Variants in TAP2 observed in about 807,000 individuals in gnomAD.
TAP2 encodes the protein transporter 2, ATP binding cassette subfamily B member, also known as antigen peptide transporter 2.
In TAP2, 49 loss-of-function variants were observed where a neutral mutation model predicts 74.7. The observed-to-expected ratio is 0.66, with a 90% CI of 0.52 to 0.83. The LOEUF (loss-of-function observed/expected upper bound fraction) is 0.83. TAP2 is among the 40% of genes least tolerant of loss of function. The pLI, the probability that TAP2 is intolerant of heterozygous loss-of-function variation, is 0.00. For missense variants in TAP2, 739 were observed against 859.0 expected, an observed-to-expected ratio of 0.86 and a Z score of 1.75; for synonymous variants, 306 against 368.4, an observed-to-expected ratio of 0.83 and a Z score of 1.94.
downstream of TAP2, chr6:32,821,833 G>A (rs943860931): frequency 6.2e-6 from 1 of 161,730 alleles, no homozygotes; most frequent in Non-Finnish European, 1.3e-5. Flanking sequence ...AGAACACATT[G>A]TTGAGCTACA....
Position 32,829,408 on chromosome 6 carries a change from C to CGCACT in TAP2, c.1919_1923dup (p.Glu642SerfsTer19). The CGCACT allele has an allele frequency of 6.2e-7, 1 of 1,600,628 alleles. No individual in the cohort carries two copies. Among genetic ancestry groups the CGCACT allele is most frequent in the Non-Finnish European group, 8.5e-7 (1 of 1,173,202 alleles). On this transcript the variant is annotated frameshift_variant, in exon 11 of 12. Coordinates refer to ENST00000374897, the MANE Select transcript of TAP2 (RefSeq NM_001290043.2). LOFTEE classifies it high-confidence loss of function. ...CCTCTCACGGTACTCACGGCCTGCT[C>CGCACT]GCACTGCACATCTAGGGCACTAGTA...
At position 32,838,011 on chromosome 6, in the gene TAP2, G is replaced by T; in HGVS notation, c.223C>A (p.Leu75Met). The T allele has an allele frequency of 6.2e-7, 1 of 1,612,516 alleles. No individual in the cohort carries two copies. Among genetic ancestry groups the T allele is most frequent in the Non-Finnish European group, 8.5e-7 (1 of 1,179,860 alleles). The change falls in exon 2 of 12, where the codon CTG becomes ATG. Residue 75 changes from leucine to methionine, a missense_variant. Physicochemically the swap from Leu to Met is conservative, Grantham distance 15. Transcript: ENST00000374897. Reference protein sequence around the residue: ...LLLPLCLATPLTVSLRALVAG... With the variant: ...LLLPLCLATPMTVSLRALVAG... The stretch of plus-strand genomic sequence containing the variant: ...ACCAGGGCTCTCAGGGAGACAGTCA[G>T]GGGGGTGGCCAGACAGAGCGGGAGC...
At position 32,828,479 on chromosome 6, in the gene TAP2, C is replaced by A. The variant is rs958359267; in HGVS notation, c.*427G>T. ...GCAGCAAAATAGCAACTATGGTTAT[C>A]TCCAGGAAGTGAAACAATGGGTACT... On this transcript the variant is annotated 3_prime_UTR_variant, in exon 12 of 12. Transcript: ENST00000374897. The A allele has an allele frequency of 3.2e-5, 31 of 977,660 alleles. No homozygotes were observed. Among genetic ancestry groups the A allele is most frequent in the Non-Finnish European group, 3.8e-5 (31 of 822,738 alleles). The allele number at this position is 977,660 out of a possible 1,614,324, so 60.6% of individuals were successfully genotyped here.
At chr6:32,822,237 C>G, downstream of TAP2, 1 of 1,384,720 alleles carries the variant, frequency 7.2e-7, no homozygotes, top group Non-Finnish European at 1.0e-6. Context: ...ATGCTTTGTT[C>G]CACATATTCG....
At position 32,830,723 on chromosome 6, in the gene TAP2, ATT is replaced by A. The variant is rs1484100150; in HGVS notation, c.1354_1355del (p.Asn452SerfsTer30). 6.2e-7 allele frequency: 1 copy of A among 1,613,040 alleles called. No homozygotes were observed. ...KVFSYMDRQP[N>X]LPSPGTLAPT... The stretch of plus-strand genomic sequence containing the variant: ...GGGCAAGCGTGCCAGGTGAAGGCAG[ATT>A]TGGCTGTCGGTCCATGTAGGAGAAA... On this transcript the variant is annotated frameshift_variant, in exon 8 of 12. Transcript: ENST00000374897. LOFTEE classifies it high-confidence loss of function.
At position 32,825,628 on chromosome 6, in the gene TAP2, G is replaced by A. The variant is rs1188324905; in HGVS notation, c.*3278C>T. 1 of 152,200 alleles carries A rather than the reference G, an allele frequency of 6.6e-6. No homozygotes were observed. Among genetic ancestry groups the A allele is most frequent in the Non-Finnish European group, 1.5e-5 (1 of 68,028 alleles). 9.4% of individuals were successfully genotyped at this position (152,200 alleles called of 1,614,324 possible). On this transcript the variant is annotated 3_prime_UTR_variant, in exon 12 of 12. Transcript: ENST00000374897. ...GCAAACCTTGAGAAGGATTGAGAGT[G>A]AGGCTTTCCTCTGTATACTTCTTTG...
intron 3 of TAP2, among the ~76,000 whole-genome samples, chr6:32,836,775 C>T (rs1244596971): frequency 6.6e-6 from 1 of 152,234 alleles, no homozygotes; most frequent in Non-Finnish European, 1.5e-5. Flanking sequence ...TTGACCTAAA[C>T]TTCGTTATGC....
At chr6:32,823,697 AT>A (rs1301345728), downstream of TAP2, among the ~76,000 whole-genome samples, 1 of 152,148 alleles carries the variant, frequency 6.6e-6, no homozygotes, top group Non-Finnish European at 1.5e-5. Flanking sequence ...ATTTATAATT[AT>A]TCATACAGCA....
Position 32,825,855 on chromosome 6 carries a change from A to G in TAP2, c.*3051T>C. 1.9e-6 allele frequency: 1 copy of G among 522,988 alleles called. No homozygotes were observed. Among genetic ancestry groups the G allele is most frequent in the Non-Finnish European group, 2.4e-6 (1 of 408,226 alleles). 32.4% of individuals were successfully genotyped at this position (522,988 alleles called of 1,614,324 possible). ...AGTTAGTAAATGTTTCTAAAACTCC[A>G]TTTTCTCACTCTTAGAATTGAGATA... On this transcript the variant is annotated 3_prime_UTR_variant, in exon 12 of 12. Coordinates refer to ENST00000374897, the MANE Select transcript of TAP2 (RefSeq NM_001290043.2).
At chr6:32,838,607 G>A (rs1413553509) in intron 1 of TAP2, 46 bp downstream of exon 1, 3 of 239,238 alleles carry the variant, frequency 1.3e-5, no homozygotes, top group Admixed American at 1.1e-4. Context: ...AGTCACTTGG[G>A]CTGCGTCCCT....
At chr6:32,829,607 C>T in intron 10 of TAP2, 71 bp from the exon 11 acceptor site, 1 of 1,605,372 alleles carries the variant, frequency 6.2e-7, no homozygotes, top group South Asian at 1.1e-5. Flanking sequence ...GGGACAAGTG[C>T]ACAGCAGGTA....
Position 32,828,679 on chromosome 6 carries a change from C to CACCCCATCA in TAP2, c.*226_*227insTGATGGGGT, listed in dbSNP as rs28381590. 1 of 927,004 alleles carries CACCCCATCA rather than the reference C, an allele frequency of 1.1e-6. No individual in the cohort carries two copies. Among genetic ancestry groups the CACCCCATCA allele is most frequent in the Admixed American group, 5.4e-5 (1 of 18,598 alleles). 57.4% of individuals were successfully genotyped at this position (927,004 alleles called of 1,614,324 possible). A position where few individuals can be genotyped will look rare whatever the true frequency, so the allele number is the denominator to read the frequency against. On this transcript the variant is annotated 3_prime_UTR_variant, in exon 12 of 12. Coordinates refer to ENST00000374897, the MANE Select transcript of TAP2 (RefSeq NM_001290043.2). ...TAAGTTTCCTGGACACAGACAGCCC[C>CACCCCATCA]CACCCCACCCCACCCCACCTCTCTA... is the stretch of plus-strand genomic sequence containing the variant.
At position 32,829,934 on chromosome 6, in the gene TAP2, G is replaced by C. The variant is rs1211636229; in HGVS notation, c.1791C>G (p.Tyr597Ter). The C allele has an allele frequency of 1.9e-6, 3 of 1,613,108 alleles. No homozygotes were observed. In the East Asian group the frequency reaches 6.7e-5, roughly 36 times the overall value. The change falls in exon 10 of 12, where the codon TAC (tyrosine) becomes TAG (stop). Residue 597 changes from tyrosine (Y) to a stop codon, truncating the protein, a stop_gained. Transcript: ENST00000374897. LOFTEE classifies it high-confidence loss of function. The part of the protein sequence containing the change: ...DFIQEMEHGI[Y>*]TDVGEKGSQL... ...CTTACAATTTGTAGAAGATACCTGT[G>C]TATATTCCATGCTCCATTTCCTGGA...
intron 3 of TAP2, 45 bp downstream of exon 3, chr6:32,837,492 T>C: frequency 6.5e-7 from 1 of 1,543,674 alleles, no homozygotes; most frequent in Middle Eastern, 1.7e-4. Flanking sequence ...AAGACCCCTA[T>C]AAAGATTTGG....
Position 32,826,680 on chromosome 6 carries a change from A to T in TAP2, c.*2226T>A, listed in dbSNP as rs185609630. The T allele has an allele frequency of 3.0e-6, 3 of 985,294 alleles. No individual in the cohort carries two copies. In the Admixed American group the frequency reaches 1.8e-4, roughly 61 times the overall value. 61.0% of individuals were successfully genotyped at this position (985,294 alleles called of 1,614,324 possible). On this transcript the variant is annotated 3_prime_UTR_variant, in exon 12 of 12. Coordinates refer to ENST00000374897, the MANE Select transcript of TAP2 (RefSeq NM_001290043.2). ...GCATCTTCCTGTACTGCCCATCAAG[A>T]TAAGTTTTCCACCCAGCTTTATCAT...
At chr6:32,825,084 C>G (rs1768545076), downstream of TAP2, among the ~76,000 whole-genome samples, 1 of 147,752 alleles carries the variant, frequency 6.8e-6, no homozygotes, top group Admixed American at 7.0e-5. Flanking sequence ...TACTTTCACC[C>G]AGAAGATTGT....
In TAP2 at chr6:32,835,020, C is replaced by A; in HGVS notation, c.945+134G>T. 1.1e-6 allele frequency: 1 copy of A among 917,834 alleles called. No individual in the cohort carries two copies. The highest frequency in any genetic ancestry group is 1.7e-6 in the Non-Finnish European group (1 of 575,508). 56.9% of individuals were successfully genotyped at this position (917,834 alleles called of 1,614,324 possible). ...CTGGACAAACAAAATGTAGTATATA[C>A]TACAATATACCTTCTCCCCTAATGG... On this transcript the variant is annotated intron_variant, in intron 5 of 11. Coordinates refer to ENST00000374897, the MANE Select transcript of TAP2 (RefSeq NM_001290043.2). This position sits in a 1 kb window ranked among gnomAD's most constrained non-coding sequence, Gnocchi z 4.0.
In TAP2 at chr6:32,826,053, A is replaced by G. The variant is rs1768628671; in HGVS notation, c.*2853T>C. The G allele has an allele frequency of 1.0e-6, 1 of 985,428 alleles. No individual in the cohort carries two copies. Among genetic ancestry groups the G allele is most frequent in the Non-Finnish European group, 1.2e-6 (1 of 829,932 alleles). 61.0% of individuals were successfully genotyped at this position (985,428 alleles called of 1,614,324 possible). On this transcript the variant is annotated 3_prime_UTR_variant, in exon 12 of 12. Transcript: ENST00000374897. ...TCAAAACCCAGTTTCTTCTGGGACC[A>G]TTAGATGGCATCAGACTCAAGCAGG... is the stretch of plus-strand genomic sequence containing the variant.
chr6:32,831,753 T>C, intron 7 of TAP2, among the ~76,000 whole-genome samples: 1 of 152,022 alleles, frequency 6.6e-6, no homozygotes, highest in South Asian at 2.1e-4. Context: ...GGTGGATGGA[T>C]GGATAGATGG....
Sources: gnomAD v4.1 joint callset for allele counts (sites outside exome capture counted in the v4.1 genomes callset) on GRCh38, gnomAD v4.1.1 for gene constraint, Gnocchi (gnomAD v3.1) non-coding constraint, MANE v1.5 for transcripts, NCBI Gene and HGNC (gene_info 2026-07-23, HGNC 2026-07-21) for gene names.